The following ADARB1 variants were observed in gnomAD, a reference collection of about 807,000 sequenced individuals.
ADARB1 encodes the protein adenosine deaminase RNA specific B1, also known as double-stranded RNA-specific editase 1.
Under a neutral mutation model 52.4 loss-of-function variants are expected in ADARB1, and 10 were observed. That is an observed-to-expected ratio of 0.19 (90% confidence interval 0.12 to 0.32). ADARB1 has a LOEUF of 0.32. Ranked by LOEUF, ADARB1 falls within the 10% of genes least tolerant of loss-of-function variation. The pLI is 1.00. For missense variants in ADARB1, 643 were observed against 922.3 expected, an observed-to-expected ratio of 0.70 and a Z score of 3.92; for synonymous variants, 349 against 371.1, an observed-to-expected ratio of 0.94 and a Z score of 0.68.
rs145376356 is a variant in ADARB1, at chr21:45,084,289, A to G, written c.-220+9496A>G. Among the ~76,000 whole-genome samples the G allele has an allele frequency of 7.9e-5, 12 of 152,360 alleles. No homozygotes were observed. The East Asian group carries it at 2.3e-3, about 29-fold the overall frequency. On this transcript the variant is annotated intron_variant, in intron 1 of 10. Coordinates refer to ENST00000348831, the MANE Select transcript of ADARB1 (RefSeq NM_001112.4). ...CCTATGTGTAGTCCTGTCTAATGGTAGGTGGTGCTACGTCACTTCCTGCCA... is the reference window on the plus strand; with the variant it reads ...CCTATGTGTAGTCCTGTCTAATGGTGGGTGGTGCTACGTCACTTCCTGCCA...
rs2090711741 is a variant in ADARB1 at position 45,157,303 on chromosome 21, C to G, written c.-47-14307C>G. Among the ~76,000 whole-genome samples the G allele has an allele frequency of 6.6e-6, 1 of 152,188 alleles. No individual in the cohort carries two copies. The highest frequency in any genetic ancestry group is 1.5e-5 in the Non-Finnish European group (1 of 68,028). On this transcript the variant is annotated intron_variant, in intron 2 of 10. Coordinates refer to ENST00000348831, the MANE Select transcript of ADARB1 (RefSeq NM_001112.4). The surrounding 1 kb of genome is among the most constrained non-coding windows in gnomAD (Gnocchi z 4.1). Reference sequence around the variant, plus strand: ...CAAAGCAGATTGAACAGTGCCAATTCTTAGTGCAGTTATAAGTGTTAATAT... The same window carrying G: ...CAAAGCAGATTGAACAGTGCCAATTGTTAGTGCAGTTATAAGTGTTAATAT...
At chr21:45,130,650 TCAC>T (rs1388714477) in intron 2 of ADARB1, among the ~76,000 whole-genome samples, 26 of 152,238 alleles carry the variant, frequency 1.7e-4, no homozygotes, top group African/African-American at 6.0e-4. Flanking sequence ...GTCCTCAGCC[TCAC>T]TGCACTGTCT....
intron 8 of ADARB1, among the ~76,000 whole-genome samples, chr21:45,188,100 C>T (rs2092167259): frequency 1.3e-5 from 2 of 151,838 alleles, no homozygotes; most frequent in Non-Finnish European, 2.9e-5. Context: ...CTAGTGAAAA[C>T]ATTTGGTCCT....
chr21:45,158,252 G>A (rs895338367), intron 2 of ADARB1, among the ~76,000 whole-genome samples: 17 of 152,148 alleles, frequency 1.1e-4, no homozygotes, highest in African/African-American at 4.1e-4. Context: ...GCGGGAGGGG[G>A]GAACTCCCTT....
At chr21:45,174,761 T>A (rs2146140265) in intron 3 of ADARB1, among the ~76,000 whole-genome samples, 1 of 152,266 alleles carries the variant, frequency 6.6e-6, no homozygotes, top group East Asian at 1.9e-4. Flanking sequence ...AATTTAAAAA[T>A]TATGTTTATT....
At chr21:45,108,627 C>T (rs1458594091) in intron 1 of ADARB1, among the ~76,000 whole-genome samples, 1 of 152,212 alleles carries the variant, frequency 6.6e-6, no homozygotes, top group East Asian at 1.9e-4. Flanking sequence ...TTCCAACCAC[C>T]ACACCCACAT....
chr21:45,149,846 T>C (rs2090194141), intron 2 of ADARB1, among the ~76,000 whole-genome samples: 1 of 152,270 alleles, frequency 6.6e-6, no homozygotes, highest in Non-Finnish European at 1.5e-5. Context: ...CATCCTGTTT[T>C]TTGTGCAGTG....
intron 8 of ADARB1, among the ~76,000 whole-genome samples, chr21:45,188,617 TTTTTTTTTAATC>T (rs1298483410): frequency 1.3e-4 from 20 of 152,326 alleles, no homozygotes; most frequent in African/African-American, 4.8e-4. Context: ...TGAATTGTTT[TTTTTTTTTAATC>T]CATTTACCCA....
chr21:45,120,027 T>TA (rs771875755), intron 1 of ADARB1, among the ~76,000 whole-genome samples: 4 of 152,270 alleles, frequency 2.6e-5, no homozygotes, highest in African/African-American at 4.8e-5. Context: ...CCCTTCTTGA[T>TA]ACTGAACTAG....
At chr21:45,182,237 T>G (rs998127289) in intron 5 of ADARB1, among the ~76,000 whole-genome samples, 2 of 152,242 alleles carry the variant, frequency 1.3e-5, no homozygotes, top group African/African-American at 4.8e-5. Context: ...TTAGTCCACC[T>G]TTCCATAGTG....
At position 45,223,921 on chromosome 21, in the gene ADARB1, C is replaced by G. The variant is rs1394315323; in HGVS notation, c.*1724C>G. 7.1e-6 allele frequency: 7 copies of G among 985,450 alleles called. No individual in the cohort carries two copies. Among genetic ancestry groups the G allele is most frequent in the East Asian group, 1.1e-4 (1 of 8,808 alleles). The allele number at this position is 985,450 out of a possible 1,614,324, so 61.0% of individuals were successfully genotyped here. A position where few individuals can be genotyped will look rare whatever the true frequency, so the allele number is the denominator to read the frequency against. Reference sequence around the variant, plus strand: ...GCTAGAACATCTGCCCCACAGCAGCCTCCTCCTCCACCGAAGAGGGTAGTT... The same window carrying G: ...GCTAGAACATCTGCCCCACAGCAGCGTCCTCCTCCACCGAAGAGGGTAGTT... On this transcript the variant is annotated 3_prime_UTR_variant, in exon 11 of 11. Transcript: ENST00000348831.
At chr21:45,079,968 A>G (rs2086090472) in intron 1 of ADARB1, among the ~76,000 whole-genome samples, 1 of 152,190 alleles carries the variant, frequency 6.6e-6, no homozygotes, top group Admixed American at 6.5e-5. Flanking sequence ...TAGCAACGCC[A>G]TTGAAAAGGA....
At position 45,159,601 on chromosome 21, in the gene ADARB1, T is replaced by G. The variant is rs146207900; in HGVS notation, c.-47-12009T>G. Among the ~76,000 whole-genome samples the G allele has an allele frequency of 3.0e-4, 46 of 152,340 alleles. No individual in the cohort carries two copies. In the East Asian group the frequency reaches 7.5e-3, roughly 25 times the overall value. On this transcript the variant is annotated intron_variant, in intron 2 of 10. Coordinates refer to ENST00000348831, the MANE Select transcript of ADARB1 (RefSeq NM_001112.4). The stretch of plus-strand genomic sequence containing the variant: ...AATGCCTTACTTCTGCCTTGGAGGA[T>G]GATGTGAGCATACAAGAGGGGTGGC...
intron 1 of ADARB1, among the ~76,000 whole-genome samples, chr21:45,111,106 C>T (rs1221668722): frequency 1.3e-5 from 2 of 152,106 alleles, no homozygotes; most frequent in Non-Finnish European, 2.9e-5. Flanking sequence ...TGAAGCATTG[C>T]AGAGCCCGCC....
At chr21:45,133,901 G>T (rs1446371655) in intron 2 of ADARB1, among the ~76,000 whole-genome samples, 4 of 122,370 alleles carry the variant, frequency 3.3e-5, no homozygotes, top group Admixed American at 8.0e-5. Flanking sequence ...GCGCCCGACG[G>T]GGGTGTGTGC....
At chr21:45,183,655 G>A (rs2092002974) in intron 7 of ADARB1, 145 bp downstream of exon 7, 6 of 975,004 alleles carry the variant, frequency 6.2e-6, no homozygotes, top group Non-Finnish European at 8.6e-6. Flanking sequence ...ATAAAAGCAT[G>A]GATTTTTTTC....
intron 9 of ADARB1, among the ~76,000 whole-genome samples, chr21:45,214,409 T>G (rs1410045778): frequency 6.6e-6 from 1 of 152,240 alleles, no homozygotes; most frequent in East Asian, 1.9e-4. Context: ...TATAGAAATT[T>G]TCTTTGATGG....
At chr21:45,104,095 C>T (rs2087143725) in intron 1 of ADARB1, among the ~76,000 whole-genome samples, 1 of 152,188 alleles carries the variant, frequency 6.6e-6, no homozygotes, top group South Asian at 2.1e-4. Context: ...GTTCAGCTAG[C>T]TCGTATACTT....
intron 2 of ADARB1, among the ~76,000 whole-genome samples, chr21:45,154,834 C>T (rs989187677): frequency 2.6e-5 from 4 of 152,210 alleles, no homozygotes; most frequent in Non-Finnish European, 5.9e-5. Flanking sequence ...TGGGAGAGGT[C>T]TGGGAGCCAC....
Sources: allele counts gnomAD v4.1 joint callset (sites outside exome capture counted in the v4.1 genomes callset), GRCh38; gene constraint gnomAD v4.1.1; non-coding constraint Gnocchi (gnomAD v3.1); transcripts MANE v1.5; gene names NCBI Gene and HGNC (gene_info 2026-07-23, HGNC 2026-07-21).